Variants in CCDC188 observed in about 807,000 individuals in gnomAD.
CCDC188 encodes the protein coiled-coil domain-containing protein 188.
Under a neutral mutation model 50.7 loss-of-function variants are expected in CCDC188, and 37 were observed. The ratio of observed to expected loss-of-function variants is 0.73; its 90% CI spans 0.56 to 0.96. The LOEUF is 0.96. Ranked by LOEUF, CCDC188 falls within the 40% of genes least tolerant of loss-of-function variation. The probability of loss-of-function intolerance (pLI) is 0.00; values close to 1 mark genes in which losing one functional copy is unlikely to be tolerated. For synonymous variants in CCDC188, 208 were observed against 228.0 expected (o/e 0.91, Z 0.79); for missense variants, 453 against 512.9 (o/e 0.88, Z 1.13).
At position 20,148,533 on chromosome 22, in the gene CCDC188, G is replaced by A. The variant is rs1342322003; in HGVS notation, c.*81C>T. The A allele has an allele frequency of 2.8e-6, 4 of 1,449,564 alleles. No homozygotes were observed. The East Asian group carries it at 7.8e-5, about 28-fold the overall frequency. The allele number at this position is 1,449,564 out of a possible 1,614,324, so 89.8% of individuals were successfully genotyped here. A position where few individuals can be genotyped will look rare whatever the true frequency, so the allele number is the denominator to read the frequency against. On this transcript the variant is annotated 3_prime_UTR_variant, in exon 9 of 9. Transcript: ENST00000439765. ...AGGATGGTGCACAGTGGTGCCATGTGCAGGGGGCTGGCACGGCCACTGGGC... is the reference window on the plus strand; with the variant it reads ...AGGATGGTGCACAGTGGTGCCATGTACAGGGGGCTGGCACGGCCACTGGGC...
rs1245853850 is a variant in CCDC188, at chr22:20,148,548, G to A, written c.*66C>T. The A allele has an allele frequency of 4.1e-6, 6 of 1,459,688 alleles. No individual in the cohort carries two copies. Among genetic ancestry groups the A allele is most frequent in the South Asian group, 2.8e-5 (2 of 70,690 alleles). 90.4% of individuals were successfully genotyped at this position (1,459,688 alleles called of 1,614,324 possible). ...GGTGCCATGTGCAGGGGGCTGGCAC[G>A]GCCACTGGGCATCCGGGGCAGTGCT... On this transcript the variant is annotated 3_prime_UTR_variant, in exon 9 of 9. Transcript: ENST00000439765.
Position 20,149,398 on chromosome 22 carries a change from T to C in CCDC188, c.914+14A>G. On this transcript the variant is annotated intron_variant, in intron 6 of 8. Transcript: ENST00000439765. Reference sequence around the variant, plus strand: ...GACCCTGCTCAGCTGGCCCGGCCCCTGCCCCCGTGTTACCTGAGAATCTCC... The same window carrying C: ...GACCCTGCTCAGCTGGCCCGGCCCCCGCCCCCGTGTTACCTGAGAATCTCC... 2 of 1,550,248 alleles carry C rather than the reference T, an allele frequency of 1.3e-6. No homozygotes were observed. Among genetic ancestry groups the C allele is most frequent in the Non-Finnish European group, 1.7e-6 (2 of 1,146,870 alleles).
chr22:20,150,432 T>G (rs971795072), intron 1 of CCDC188, 36 bp downstream of exon 1: 1 of 962,770 alleles, frequency 1.0e-6, no homozygotes, highest in Non-Finnish European at 1.2e-6. Flanking sequence ...TGGGTGGGGC[T>G]GGGGCTGGGG....
At position 20,149,617 on chromosome 22, in the gene CCDC188, C is replaced by T; in HGVS notation, c.813G>A (p.Met271Ile). ...TGGCCTGGTTGTTCAGGGCCATGTGCATCTCAGCCACGTTGTCCCACACCT... is the reference window on the plus strand; with the variant it reads ...TGGCCTGGTTGTTCAGGGCCATGTGTATCTCAGCCACGTTGTCCCACACCT... ...ITEVWDNVAE[M>I]HMALNNQATG... is the part of the protein sequence containing the mutation. Residue 271 changes from methionine (M) to isoleucine (I), a missense_variant, in exon 5 of 9, where the codon ATG (methionine) becomes ATA (isoleucine). Transcript: ENST00000439765. 1 of 1,550,186 alleles carries T rather than the reference C, an allele frequency of 6.5e-7. No individual in the cohort carries two copies.
rs759411971 is a variant in CCDC188, at chr22:20,149,590, G to T, written c.840C>A (p.Thr280=). The T allele has an allele frequency of 6.5e-7, 1 of 1,550,174 alleles. No homozygotes were observed. Among genetic ancestry groups the T allele is most frequent in the South Asian group, 1.2e-5 (1 of 84,052 alleles). The part of the protein sequence containing the change: ...EMHMALNNQA[T]GLLNLKKDIR... ...CCCTGTGGGGACCTACCAGGAGCCC[G>T]GTGGCCTGGTTGTTCAGGGCCATGT... The change falls in exon 5 of 9, where the codon ACC becomes ACA. Residue 280 remains threonine (T), a synonymous_variant. Transcript: ENST00000439765.
rs1398230051 is a variant in CCDC188 at position 20,149,187 on chromosome 22, C to T, written c.972G>A (p.Ser324=). The T allele has an allele frequency of 1.0e-5, 15 of 1,467,558 alleles. No individual in the cohort carries two copies. Among genetic ancestry groups the T allele is most frequent in the South Asian group, 2.8e-5 (2 of 70,180 alleles). The allele number at this position is 1,467,558 out of a possible 1,614,324, so 90.9% of individuals were successfully genotyped here. The change falls in exon 7 of 9, where the codon TCG becomes TCA. Residue 324 remains serine (S), a splice_region_variant and synonymous_variant. Coordinates refer to ENST00000439765, the MANE Select transcript of CCDC188 (RefSeq NM_001365892.2). ...CCAGAGTGGGGCGTGGGGGGCTCACCGACATGCTTGCCATCTGCTTCTCCT... is the reference window on the plus strand; with the variant it reads ...CCAGAGTGGGGCGTGGGGGGCTCACTGACATGCTTGCCATCTGCTTCTCCT... The part of the protein sequence containing the change: ...ARKEKQMASM[S]KGRPKLGSSK...
In CCDC188 at chr22:20,150,962, G is replaced by C; in HGVS notation, c.25C>G (p.Pro9Ala). The C allele has an allele frequency of 7.1e-7, 1 of 1,410,482 alleles. No homozygotes were observed. The allele number at this position is 1,410,482 out of a possible 1,614,324, so 87.4% of individuals were successfully genotyped here. The change falls in exon 1 of 9, where the codon CCC (proline) becomes GCC (alanine). Residue 9 changes from proline to alanine, a missense_variant. Coordinates refer to ENST00000439765, the MANE Select transcript of CCDC188 (RefSeq NM_001365892.2). The stretch of plus-strand genomic sequence containing the variant: ...CACTGGGGGTGGGGGTGGCCGCAGG[G>C]GCCCAGGGTTTTCAGCCCCTCCATC... MEGLKTLG[P>A]CGHPHPQCPP...
chr22:20,148,547 C>G lies in CCDC188; in HGVS notation c.*67G>C, dbSNP rs767191984. 6.9e-7 allele frequency: 1 copy of G among 1,459,680 alleles called. No individual in the cohort carries two copies. The highest frequency in any genetic ancestry group is 1.4e-5 in the South Asian group (1 of 70,632). 90.4% of individuals were successfully genotyped at this position (1,459,680 alleles called of 1,614,324 possible). A position where few individuals can be genotyped will look rare whatever the true frequency, so the allele number is the denominator to read the frequency against. On this transcript the variant is annotated 3_prime_UTR_variant, in exon 9 of 9. Transcript: ENST00000439765. Reference sequence around the variant, plus strand: ...TGGTGCCATGTGCAGGGGGCTGGCACGGCCACTGGGCATCCGGGGCAGTGC... The same window carrying G: ...TGGTGCCATGTGCAGGGGGCTGGCAGGGCCACTGGGCATCCGGGGCAGTGC...
In CCDC188 at chr22:20,150,613, C is replaced by T; in HGVS notation, c.374G>A (p.Gly125Glu). The change falls in exon 1 of 9, where the codon GGG (glycine) becomes GAG (glutamate). Residue 125 changes from glycine (G) to glutamate (E), a missense_variant. Coordinates refer to ENST00000439765, the MANE Select transcript of CCDC188 (RefSeq NM_001365892.2). ...APRQGGSIGS[G>E]TRPCPCPPLS... Reference sequence around the variant, plus strand: ...GGGTGGGCATGGGCAGGGTCTGGTCCCTGAGCCAATGGATCCCCCCTGCCT... The same window carrying T: ...GGGTGGGCATGGGCAGGGTCTGGTCTCTGAGCCAATGGATCCCCCCTGCCT... 3 of 1,543,820 alleles carry T rather than the reference C, an allele frequency of 1.9e-6. No individual in the cohort carries two copies. Among genetic ancestry groups the T allele is most frequent in the African/African-American group, 1.4e-5 (1 of 72,998 alleles).
intron 7 of CCDC188, 127 bp downstream of exon 7, chr22:20,149,060 G>A: frequency 7.9e-7 from 1 of 1,271,246 alleles, no homozygotes; most frequent in South Asian, 1.6e-5. Flanking sequence ...ACAGGCTCCT[G>A]CAGCCACTTT....
Position 20,148,889 on chromosome 22 carries a change from C to T in CCDC188, c.1008G>A (p.Leu336=). 6.6e-7 allele frequency: 1 copy of T among 1,514,676 alleles called. No homozygotes were observed. The allele number at this position is 1,514,676 out of a possible 1,614,324, so 93.8% of individuals were successfully genotyped here. ...CAGTCACCTACCAGAGCTGGCCTGC[C>T]AGGCCCTTGGAGCTTCCCAGCTTTG... is the stretch of plus-strand genomic sequence containing the variant. ...GRPKLGSSKG[L]AGQLWLLTLR... is the part of the protein sequence containing the mutation. The change falls in exon 8 of 9, where the codon CTG becomes CTA. Residue 336 remains leucine, a synonymous_variant. Transcript: ENST00000439765.
chr22:20,148,702 G>A lies in CCDC188; in HGVS notation c.1121C>T (p.Pro374Leu). Residue 374 changes from proline to leucine, a missense_variant, in exon 9 of 9, where the codon CCC becomes CTC. By Grantham distance (98) the Pro-to-Leu change is moderately conservative. Transcript: ENST00000439765. ...NPTPFEGLVPPLLSRATVWKL... is the reference protein window; with the variant it reads ...NPTPFEGLVPLLLSRATVWKL... The stretch of plus-strand genomic sequence containing the variant: ...CCAGACGGTGGCACGGCTCAGCAGG[G>A]GTGGCACCAGCCCCTCGAAAGGTGT... 1 of 1,541,080 alleles carries A rather than the reference G, an allele frequency of 6.5e-7. No individual in the cohort carries two copies. Among genetic ancestry groups the A allele is most frequent in the Non-Finnish European group, 8.8e-7 (1 of 1,142,654 alleles).
At position 20,150,773 on chromosome 22, in the gene CCDC188, C is replaced by T. The variant is rs1033630099; in HGVS notation, c.214G>A (p.Gly72Ser). 6.5e-6 allele frequency: 10 copies of T among 1,550,160 alleles called. No homozygotes were observed. The Admixed American group carries it at 2.0e-4, about 30-fold the overall frequency. Residue 72 changes from glycine to serine, a missense_variant, in exon 1 of 9, where the codon GGC becomes AGC. Coordinates refer to ENST00000439765, the MANE Select transcript of CCDC188 (RefSeq NM_001365892.2). ...GACAGAAAGAGCCCGGGAGCCTCGCCCTCCACTGTGGGCCCACTGCCCCCT... is the reference window on the plus strand; with the variant it reads ...GACAGAAAGAGCCCGGGAGCCTCGCTCTCCACTGTGGGCCCACTGCCCCCT... The part of the protein sequence containing the change: ...GAGGSGPTVE[G>S]EAPGLFLSSQ...
rs1429153774 is a variant in CCDC188 at position 20,150,174 on chromosome 22, G to A, written c.596C>T (p.Pro199Leu). The change falls in exon 2 of 9, where the codon CCC (proline) becomes CTC (leucine). Residue 199 changes from proline to leucine, a missense_variant. Pro to Leu is a moderately conservative substitution (Grantham distance 98). Transcript: ENST00000439765. ...GPGQQFLPLC[P>L]EHSSCTALAW... ...CAGAGCAGTGCAGCTTGAGTGTTCG[G>A]GACACAGGGGCAGGAACTGCTGCCC... 3.2e-6 allele frequency: 5 copies of A among 1,548,506 alleles called. No homozygotes were observed. The highest frequency in any genetic ancestry group is 3.5e-6 in the Non-Finnish European group (4 of 1,145,932).
In CCDC188 at chr22:20,148,915, G is replaced by T. The variant is rs2050565764; in HGVS notation, c.982C>A (p.Pro328Thr). Residue 328 changes from proline (P) to threonine (T), a missense_variant, in exon 8 of 9, where the codon CCA (proline) becomes ACA (threonine). Transcript: ENST00000439765. ...KQMASMSKGR[P>T]KLGSSKGLAG... is the part of the protein sequence containing the mutation. ...AGGCCCTTGGAGCTTCCCAGCTTTG[G>T]CCTCCCTTTCTGTCGGGGAGGGGCT... 2 of 1,513,946 alleles carry T rather than the reference G, an allele frequency of 1.3e-6. No individual in the cohort carries two copies. 93.8% of individuals were successfully genotyped at this position (1,513,946 alleles called of 1,614,324 possible).
chr22:20,148,418 A>G lies in CCDC188; in HGVS notation c.*196T>C. 1 of 1,273,132 alleles carries G rather than the reference A, an allele frequency of 7.9e-7. No homozygotes were observed. The highest frequency in any genetic ancestry group is 9.9e-7 in the Non-Finnish European group (1 of 1,005,962). 78.9% of individuals were successfully genotyped at this position (1,273,132 alleles called of 1,614,324 possible). A position where few individuals can be genotyped will look rare whatever the true frequency, so the allele number is the denominator to read the frequency against. On this transcript the variant is annotated 3_prime_UTR_variant, in exon 9 of 9. Coordinates refer to ENST00000439765, the MANE Select transcript of CCDC188 (RefSeq NM_001365892.2). Reference sequence around the variant, plus strand: ...CCCCAATTTCCACAGAGACGTGCTCACCGGCCACTTATGTCATGATTCTAT... The same window carrying G: ...CCCCAATTTCCACAGAGACGTGCTCGCCGGCCACTTATGTCATGATTCTAT...
chr22:20,149,076 T>A, intron 7 of CCDC188, 111 bp downstream of exon 7: 2 of 1,254,708 alleles, frequency 1.6e-6, no homozygotes, highest in Middle Eastern at 2.2e-4. Flanking sequence ...ACTTTTCCGA[T>A]GCCCCCTGCC....
Position 20,151,023 on chromosome 22 carries a change from C to G in CCDC188, c.-37G>C. On this transcript the variant is annotated 5_prime_UTR_variant, in exon 1 of 9. Transcript: ENST00000439765. ...ACCCCTTCCTGATCCCAGGTCCAGG[C>G]TCTGGCCTGGCCCAACCTGCCACCC... is the stretch of plus-strand genomic sequence containing the variant. The G allele has an allele frequency of 2.2e-6, 3 of 1,353,444 alleles. No homozygotes were observed. Among genetic ancestry groups the G allele is most frequent in the Non-Finnish European group, 2.9e-6 (3 of 1,051,330 alleles). 83.8% of individuals were successfully genotyped at this position (1,353,444 alleles called of 1,614,324 possible).
At chr22:20,148,834 C>CG (rs1241453698) in intron 8 of CCDC188, 34 bp from the exon 9 acceptor site, 5 of 1,451,530 alleles carry the variant, frequency 3.4e-6, no homozygotes, top group African/African-American at 1.4e-5. Flanking sequence ...CAGGGGCGCG[C>CG]GGGGGGCCTG....
Sources: gnomAD v4.1 joint callset for allele counts on GRCh38, gnomAD v4.1.1 for gene constraint, MANE v1.5 for transcripts, NCBI Gene and HGNC (gene_info 2026-07-23, HGNC 2026-07-21) for gene names.